Variants in CALN1 observed in about 807,000 individuals in gnomAD.
CALN1 encodes calcium-binding protein 8.
Under a neutral mutation model 30.6 loss-of-function variants are expected in CALN1, and 17 were observed. The ratio of observed to expected loss-of-function variants is 0.56; its 90% CI spans 0.38 to 0.83. The LOEUF (loss-of-function observed/expected upper bound fraction) is 0.83, where lower values mean the gene tolerates loss of function less well. CALN1 is among the 40% of genes least tolerant of loss of function. The pLI is 0.00. For synonymous variants in CALN1, 156 were observed against 131.4 expected, an observed-to-expected ratio of 1.19 and a Z score of -1.28; for missense variants, 291 against 354.9, an observed-to-expected ratio of 0.82 and a Z score of 1.45.
intron 5 of CALN1, among the ~76,000 whole-genome samples, chr7:71,924,883 CAATT>C (rs1175597343): frequency 6.6e-6 from 1 of 152,120 alleles, no homozygotes; most frequent in Non-Finnish European, 1.5e-5. Context: ...TTTAAAGGAT[CAATT>C]ATTTTTAGGG....
chr7:72,400,447 G>C (rs1806263947), intron 2 of CALN1, among the ~76,000 whole-genome samples: 1 of 152,208 alleles, frequency 6.6e-6, no homozygotes, highest in African/African-American at 2.4e-5. Flanking sequence ...CTAGGTCCTT[G>C]ATGATGAGCT....
chr7:72,034,918 G>A (rs1319160571), intron 4 of CALN1, among the ~76,000 whole-genome samples: 1 of 151,660 alleles, frequency 6.6e-6, no homozygotes, highest in Non-Finnish European at 1.5e-5. Context: ...CTACAATTTG[G>A]TTAAAAAAAT....
chr7:71,997,228 G>A (rs932651619), intron 5 of CALN1, among the ~76,000 whole-genome samples: 1 of 147,484 alleles, frequency 6.8e-6, no homozygotes, highest in African/African-American at 2.6e-5. Flanking sequence ...GCAAGATCCT[G>A]TCTCTAAAAA....
intron 5 of CALN1, among the ~76,000 whole-genome samples, chr7:71,849,946 T>C (rs1304280756): frequency 1.3e-5 from 2 of 152,096 alleles, no homozygotes; most frequent in Non-Finnish European, 2.9e-5. Flanking sequence ...ACTAGCAACT[T>C]TTAAAGGTGA....
chr7:72,485,184 G>A, the CALN1 span, among the ~76,000 whole-genome samples: 1,734 of 152,316 alleles, frequency 0.011, 34 homozygotes, highest in African/African-American at 0.038. Context: ...GAGCCCAGGA[G>A]ATTAAGGTTG....
chr7:72,265,674 G>GT (rs972742146), intron 3 of CALN1, among the ~76,000 whole-genome samples: 1 of 152,054 alleles, frequency 6.6e-6, no homozygotes, highest in African/African-American at 2.4e-5. Flanking sequence ...GGTTACTCCT[G>GT]TTCCTCAAAT....
chr7:71,878,263 A>G (rs1792363282), intron 5 of CALN1, among the ~76,000 whole-genome samples: 1 of 152,174 alleles, frequency 6.6e-6, no homozygotes, highest in African/African-American at 2.4e-5. Context: ...TGGGCCAGGC[A>G]CAGCGGTGCA....
chr7:72,322,455 T>C (rs1038116875), intron 2 of CALN1, among the ~76,000 whole-genome samples: 4 of 152,044 alleles, frequency 2.6e-5, no homozygotes, highest in Non-Finnish European at 4.4e-5. Context: ...GGCCAAGGGG[T>C]TGGGGACTTG....
In CALN1 at chr7:71,831,807, G is replaced by A. The variant is rs746854577; in HGVS notation, c.502-21315C>T. Among the ~76,000 whole-genome samples the A allele has an allele frequency of 3.2e-4, 41 of 128,254 alleles. No individual in the cohort carries two copies. In the Admixed American group the frequency reaches 3.9e-3, roughly 12 times the overall value. 84.1% of individuals were successfully genotyped at this position (128,254 alleles called of 152,430 possible). On this transcript the variant is annotated intron_variant, in intron 5 of 6. Coordinates refer to ENST00000395275, the MANE Select transcript of CALN1 (RefSeq NM_031468.4). ...CTCGGGAAGCTGAGTCAGAAGAATC[G>A]CATGAGCCCGGAAGGTGGAGCACAT...
intron 4 of CALN1, among the ~76,000 whole-genome samples, chr7:72,054,486 T>TAC (rs1428321712): frequency 8.5e-6 from 1 of 117,256 alleles, no homozygotes; most frequent in Non-Finnish European, 1.6e-5. Flanking sequence ...CATACATATA[T>TAC]ATATACATAT....
chr7:72,232,897 G>C (rs748506413), intron 3 of CALN1, among the ~76,000 whole-genome samples: 1 of 152,090 alleles, frequency 6.6e-6, no homozygotes, highest in Non-Finnish European at 1.5e-5. Flanking sequence ...TCTATATTGG[G>C]TATAGTGATG....
chr7:72,285,072 G>A (rs140844590), intron 2 of CALN1, among the ~76,000 whole-genome samples: 52 of 152,240 alleles, frequency 3.4e-4, no homozygotes, highest in African/African-American at 1.3e-3. Flanking sequence ...ACTGCAAATT[G>A]CATAGCATTT....
At chr7:72,491,499 G>A in the CALN1 span, among the ~76,000 whole-genome samples, 6 of 152,044 alleles carry the variant, frequency 3.9e-5, no homozygotes, top group African/African-American at 1.4e-4. Flanking sequence ...AGCCCAAAAG[G>A]TTGAGGTTGC....
intron 2 of CALN1, among the ~76,000 whole-genome samples, chr7:72,298,213 G>C (rs1294550466): frequency 6.9e-6 from 1 of 143,918 alleles, no homozygotes; most frequent in African/African-American, 2.6e-5. Context: ...TAGATCATTT[G>C]ACTGTTTATG....
chr7:72,354,706 C>T (rs992843622), intron 2 of CALN1, among the ~76,000 whole-genome samples: 1 of 152,060 alleles, frequency 6.6e-6, no homozygotes. Context: ...TGAGGATAGT[C>T]TTTTCATCCA....
At chr7:72,068,721 C>T (rs1804192997) in intron 4 of CALN1, among the ~76,000 whole-genome samples, 1 of 152,134 alleles carries the variant, frequency 6.6e-6, no homozygotes, top group Admixed American at 6.6e-5. Context: ...GAACTCCTGG[C>T]CTCAAGTGAT....
intron 3 of CALN1, among the ~76,000 whole-genome samples, chr7:72,139,978 G>A (rs993245574): frequency 6.6e-6 from 1 of 152,120 alleles, no homozygotes; most frequent in African/African-American, 2.4e-5. Context: ...CACCACTGTT[G>A]GGGGAGGTTA....
Position 72,108,470 on chromosome 7 carries a change from T to C in CALN1, c.245-2176A>G, listed in dbSNP as rs1410192960. ...TTCTTCTTTTCCCTGCCCAAAATTA[T>C]ATCCATCCTTCAAGGTCAAGTGTGG... On this transcript the variant is annotated intron_variant, in intron 3 of 6. Coordinates refer to ENST00000395275, the MANE Select transcript of CALN1 (RefSeq NM_031468.4). 2.0e-5 allele frequency among the ~76,000 whole-genome samples: 3 copies of C among 152,246 alleles called. No homozygotes were observed. In the East Asian group the frequency reaches 5.8e-4, roughly 29 times the overall value.
At chr7:72,116,742 C>T (rs1320579291) in intron 3 of CALN1, among the ~76,000 whole-genome samples, 1 of 152,136 alleles carries the variant, frequency 6.6e-6, no homozygotes, top group Non-Finnish European at 1.5e-5. Flanking sequence ...AGCCCAGATT[C>T]ACCTTGGCCA....
Sources: allele counts gnomAD v4.1 joint callset (sites outside exome capture counted in the v4.1 genomes callset), GRCh38; gene constraint gnomAD v4.1.1; transcripts MANE v1.5; gene names NCBI Gene and HGNC (gene_info 2026-07-23, HGNC 2026-07-21).